The following NUP35 variants were observed in gnomAD, a reference collection of about 807,000 sequenced individuals.
NUP35 encodes the protein nucleoporin 35.
A neutral mutation model predicts 41.5 loss-of-function variants in NUP35; 25 were observed. The ratio of observed to expected loss-of-function variants is 0.60; its 90% CI spans 0.44 to 0.84. The LOEUF (loss-of-function observed/expected upper bound fraction) is 0.84. NUP35 is among the 40% of genes least tolerant of loss of function. The pLI is 0.00. For missense variants in NUP35, 396 were observed against 396.6 expected (o/e 1.00, Z 0.01); for synonymous variants, 149 against 130.7 (o/e 1.14, Z -0.96).
intron 1 of NUP35, among the ~76,000 whole-genome samples, chr2:183,124,793 C>T (rs1300349203): frequency 1.3e-5 from 2 of 152,208 alleles, no homozygotes; most frequent in Non-Finnish European, 2.9e-5. Context: ...TGGCCCATAC[C>T]TTAACCTCCT....
At chr2:183,124,603 G>C in intron 1 of NUP35, 106 bp downstream of exon 1, 1 of 1,445,228 alleles carries the variant, frequency 6.9e-7, no homozygotes, top group Non-Finnish European at 9.7e-7. Flanking sequence ...GCTGGTTTCA[G>C]TCGCGGAGAG....
intron 5 of NUP35, among the ~76,000 whole-genome samples, chr2:183,154,804 A>G (rs1038268608): frequency 1.1e-4 from 17 of 152,154 alleles, no homozygotes; most frequent in African/African-American, 3.6e-4. Flanking sequence ...ACTGATACCA[A>G]TTACTGTATT....
intron 1 of NUP35, among the ~76,000 whole-genome samples, chr2:183,126,388 A>AT (rs948434032): frequency 7.3e-5 from 11 of 151,484 alleles, no homozygotes; most frequent in African/African-American, 1.7e-4. Context: ...TTTTGCTATA[A>AT]TTTTTTTTTC....
At chr2:183,159,334 A>G (rs1685784158) in intron 7 of NUP35, among the ~76,000 whole-genome samples, 154 bp from the exon 8 acceptor site, 1 of 152,226 alleles carries the variant, frequency 6.6e-6, no homozygotes, top group Non-Finnish European at 1.5e-5. Context: ...CTAAGAAGCA[A>G]ATATTTTCTC....
At chr2:183,152,426 G>A (rs548503602) in intron 5 of NUP35, among the ~76,000 whole-genome samples, 72 of 152,034 alleles carry the variant, frequency 4.7e-4, no homozygotes, top group African/African-American at 1.5e-3. Context: ...GTCTTTATCC[G>A]TCACCCCTTT....
chr2:183,151,814 C>A (rs1685477035), intron 5 of NUP35, among the ~76,000 whole-genome samples, 165 bp downstream of exon 5: 1 of 152,168 alleles, frequency 6.6e-6, no homozygotes, highest in Admixed American at 6.5e-5. Context: ...TGTCATTTAT[C>A]CATCTATCAA....
chr2:183,151,327 A>G (rs1470907340), intron 4 of NUP35, among the ~76,000 whole-genome samples, 181 bp from the exon 5 acceptor site: 2 of 152,226 alleles, frequency 1.3e-5, no homozygotes, highest in East Asian at 3.8e-4. Context: ...ACTATGCCCA[A>G]TTATTACTTC....
At chr2:183,127,398 G>A (rs78431931) in intron 1 of NUP35, among the ~76,000 whole-genome samples, 8,128 of 151,982 alleles carry the variant, frequency 0.053, 278 homozygotes, top group Middle Eastern at 0.082. Context: ...GATTGCAGGC[G>A]TGAGTCACCA....
chr2:183,144,982 T>C (rs1685228920), intron 4 of NUP35, among the ~76,000 whole-genome samples: 1 of 152,234 alleles, frequency 6.6e-6, no homozygotes, highest in Non-Finnish European at 1.5e-5. Flanking sequence ...GCTTGAAGAT[T>C]ATTACATGAT....
At chr2:183,158,492 C>A in intron 7 of NUP35, 81 bp downstream of exon 7, 2 of 1,211,920 alleles carry the variant, frequency 1.7e-6, no homozygotes, top group South Asian at 3.8e-5. Context: ...GTCGTTGTGT[C>A]ACTTGGTTTC....
chr2:183,154,196 G>T (rs530680718), intron 5 of NUP35, among the ~76,000 whole-genome samples: 1 of 152,298 alleles, frequency 6.6e-6, no homozygotes, highest in East Asian at 1.9e-4. Context: ...CCTATGATGG[G>T]ATTGGCTGTC....
chr2:183,143,339 C>T (rs1685168977), intron 4 of NUP35, among the ~76,000 whole-genome samples: 1 of 151,412 alleles, frequency 6.6e-6, no homozygotes, highest in African/African-American at 2.4e-5. Flanking sequence ...AAATGAGGCA[C>T]TAAAAGCTAT....
At chr2:183,154,866 G>A (rs953256509) in intron 5 of NUP35, among the ~76,000 whole-genome samples, 5 of 152,186 alleles carry the variant, frequency 3.3e-5, no homozygotes, top group African/African-American at 1.2e-4. Context: ...GGAAGAAAAA[G>A]AGGTTTAATT....
rs1314190972 is a variant in NUP35 at position 183,138,267 on chromosome 2, A to ATTT, written c.397+4645_397+4646insTTT. On this transcript the variant is annotated intron_variant, in intron 4 of 8. Transcript: ENST00000295119. ...GAGCTATATATATATATATATATAT[A>ATTT]TATTTTTTTTTTTTTTTAGCTCCTG... is the stretch of plus-strand genomic sequence containing the variant. Among the ~76,000 whole-genome samples the ATTT allele has an allele frequency of 6.8e-3, 506 of 73,956 alleles. 3 individuals are homozygous for ATTT. The highest frequency in any genetic ancestry group is 0.043 in the South Asian group (94 of 2,180). The allele number at this position is 73,956 out of a possible 152,430, so 48.5% of individuals were successfully genotyped here.
chr2:183,136,712 G>A (rs1270207199), intron 4 of NUP35, among the ~76,000 whole-genome samples: 1 of 152,156 alleles, frequency 6.6e-6, no homozygotes, highest in African/African-American at 2.4e-5. Flanking sequence ...GTAACCCTAA[G>A]TTCATCTGCC....
At chr2:183,160,968 C>G in intron 8 of NUP35, 86 bp from the exon 9 acceptor site, 1 of 963,654 alleles carries the variant, frequency 1.0e-6, no homozygotes, top group Admixed American at 2.2e-5. Context: ...TTTGGTGTTT[C>G]TCTTTTAAAT....
chr2:183,158,878 A>G (rs1391017513), intron 7 of NUP35, among the ~76,000 whole-genome samples: 1 of 152,118 alleles, frequency 6.6e-6, no homozygotes, highest in Non-Finnish European at 1.5e-5. Context: ...TTTTAAAATT[A>G]TTCTATATAT....
chr2:183,130,575 G>A lies in NUP35; in HGVS notation c.339+30G>A, dbSNP rs551966562. On this transcript the variant is annotated intron_variant, in intron 3 of 8. Transcript: ENST00000295119. ...TATAAATACCCTTTTGATCCCCAAT[G>A]AACAACATCATGGTTTTATGTGTCT... 27 of 1,603,926 alleles carry A rather than the reference G, an allele frequency of 1.7e-5. No individual in the cohort carries two copies. In the South Asian group the frequency reaches 2.7e-4, roughly 16 times the overall value.
chr2:183,155,309 G>T (rs530146621), intron 5 of NUP35, among the ~76,000 whole-genome samples: 24 of 152,354 alleles, frequency 1.6e-4, no homozygotes, highest in Middle Eastern at 3.4e-3. Context: ...CAAAAGGTAT[G>T]TAAGAATGTA....
Sources: allele counts gnomAD v4.1 joint callset (sites outside exome capture counted in the v4.1 genomes callset), GRCh38; gene constraint gnomAD v4.1.1; transcripts MANE v1.5; gene names NCBI Gene and HGNC (gene_info 2026-07-23, HGNC 2026-07-21).